The following LAMA2 variants were observed in gnomAD, a reference collection of about 807,000 sequenced individuals.
The protein encoded by LAMA2 is laminin subunit alpha 2.
Under a neutral mutation model 364.8 loss-of-function variants are expected in LAMA2, and 269 were observed. That is an observed-to-expected ratio of 0.74 (90% CI 0.67 to 0.82). The LOEUF (loss-of-function observed/expected upper bound fraction) is 0.82, where lower values mean the gene tolerates loss of function less well. Among genes scored for constraint, LAMA2 ranks in the 40% least tolerant of loss-of-function variants. LAMA2 has a pLI of 0.00. For missense variants in LAMA2, 3,807 were observed against 3,873.2 expected, an observed-to-expected ratio of 0.98 and a Z score of 0.45; for synonymous variants, 1,379 against 1,370.6, an observed-to-expected ratio of 1.01 and a Z score of -0.14.
Position 129,049,752 on chromosome 6 carries a change from A to T in LAMA2, c.113-166A>T, listed in dbSNP as rs183864704. Among the ~76,000 whole-genome samples, 910 of 152,346 alleles carry T rather than the reference A, an allele frequency of 6.0e-3. 4 individuals carry two copies. The highest frequency in any genetic ancestry group is 8.0e-3 in the Non-Finnish European group (542 of 68,034). On this transcript the variant is annotated intron_variant, in intron 1 of 64. Transcript: ENST00000421865. ...AAAAATAGTATTCTTTTGATAACACATAGTATTTATGTAGTATACTGAATT... is the reference window on the plus strand; with the variant it reads ...AAAAATAGTATTCTTTTGATAACACTTAGTATTTATGTAGTATACTGAATT...
intron 20 of LAMA2, chr6:129,293,039 T>G: frequency 1.0e-6 from 1 of 985,900 alleles, no homozygotes; most frequent in Non-Finnish European, 1.2e-6. Flanking sequence ...GCGGGTGCCC[T>G]CGGGGAGCCT....
intron 1 of LAMA2, among the ~76,000 whole-genome samples, chr6:128,986,144 T>A (rs1045899529): frequency 2.0e-5 from 3 of 152,208 alleles, no homozygotes; most frequent in Non-Finnish European, 4.4e-5. Context: ...GCAGTTATGA[T>A]TCTTTTCAAT....
Position 128,904,485 on chromosome 6 carries a change from C to T in LAMA2, c.112+21128C>T, listed in dbSNP as rs1169510398. ...TTTTTTTTTTTTTAAGATGGAGTCT[C>T]ACCCTGTTGCCCAGGCTGGAGTGCA... On this transcript the variant is annotated intron_variant, in intron 1 of 64. Transcript: ENST00000421865. Among the ~76,000 whole-genome samples, 3 of 138,232 alleles carry T rather than the reference C, an allele frequency of 2.2e-5. No individual in the cohort carries two copies. In the Admixed American group the frequency reaches 2.3e-4, roughly 11 times the overall value. The allele number at this position is 138,232 out of a possible 152,430, so 90.7% of individuals were successfully genotyped here.
At chr6:128,946,735 C>A (rs984893765) in intron 1 of LAMA2, among the ~76,000 whole-genome samples, 3 of 152,096 alleles carry the variant, frequency 2.0e-5, no homozygotes, top group African/African-American at 7.2e-5. Context: ...AATGATTATA[C>A]TCATTTTTCT....
intron 45 of LAMA2, among the ~76,000 whole-genome samples, chr6:129,450,937 T>A (rs890833068): frequency 1.3e-5 from 2 of 152,230 alleles, no homozygotes; most frequent in South Asian, 2.1e-4. Context: ...TCTCTGATAA[T>A]GATTTTGGTT....
chr6:129,371,304 G>A (rs1488188232), intron 34 of LAMA2, among the ~76,000 whole-genome samples: 2 of 151,560 alleles, frequency 1.3e-5, no homozygotes. Context: ...AGTGTATGGA[G>A]GACCATATTA....
intron 12 of LAMA2, among the ~76,000 whole-genome samples, chr6:129,232,145 A>G (rs1231085553): frequency 6.6e-6 from 1 of 152,118 alleles, no homozygotes. Flanking sequence ...TTATCATCAT[A>G]CAGCATATGT....
At chr6:129,278,558 G>A (rs765229255) in intron 17 of LAMA2, among the ~76,000 whole-genome samples, 5 of 152,072 alleles carry the variant, frequency 3.3e-5, no homozygotes, top group East Asian at 1.9e-4. Flanking sequence ...TCACAATCCC[G>A]TCAAGAAAAT....
At chr6:129,337,216 A>G (rs1055411342) in intron 29 of LAMA2, among the ~76,000 whole-genome samples, 2 of 152,240 alleles carry the variant, frequency 1.3e-5, no homozygotes, top group African/African-American at 4.8e-5. Context: ...ACTTGATTGC[A>G]GATTCACTAG....
At chr6:129,277,319 A>G (rs1359662751) in intron 17 of LAMA2, among the ~76,000 whole-genome samples, 1 of 152,188 alleles carries the variant, frequency 6.6e-6, no homozygotes, top group African/African-American at 2.4e-5. Context: ...TGCATTTGCC[A>G]AGGCAAATTC....
chr6:128,961,205 G>A (rs927333472), intron 1 of LAMA2, among the ~76,000 whole-genome samples: 2 of 149,494 alleles, frequency 1.3e-5, no homozygotes, highest in African/African-American at 4.9e-5. Context: ...TTCATTTTTA[G>A]TATGAATTCT....
intron 7 of LAMA2, among the ~76,000 whole-genome samples, chr6:129,151,283 A>C (rs563388783): frequency 1.3e-5 from 2 of 152,354 alleles, no homozygotes; most frequent in African/African-American, 2.4e-5. Context: ...TGACAACACG[A>C]ATTCTAAATA....
intron 1 of LAMA2, among the ~76,000 whole-genome samples, chr6:128,933,258 G>GTGTGTGTGTGTGTC (rs1554328793): frequency 2.9e-4 from 43 of 148,914 alleles, no homozygotes; most frequent in African/African-American, 1.1e-3. Flanking sequence ...GTGTGTGTGT[G>GTGTGTGTGTGTGTC]TGTGTGTCTG....
intron 28 of LAMA2, among the ~76,000 whole-genome samples, chr6:129,324,859 G>A (rs12200538): frequency 0.16 from 24,546 of 152,164 alleles, 2,603 homozygotes; most frequent in Non-Finnish European, 0.24. Flanking sequence ...TTATGCAGCA[G>A]CACATGACTG....
At chr6:129,500,545 T>C (rs1489669010) in intron 58 of LAMA2, among the ~76,000 whole-genome samples, 1 of 152,228 alleles carries the variant, frequency 6.6e-6, no homozygotes, top group Non-Finnish European at 1.5e-5. Flanking sequence ...GGTGTTCTTC[T>C]TCCTAAATTT....
intron 22 of LAMA2, among the ~76,000 whole-genome samples, chr6:129,303,225 C>G (rs1773658565): frequency 6.6e-6 from 1 of 152,014 alleles, no homozygotes; most frequent in Admixed American, 6.6e-5. Flanking sequence ...ATGCTGTGTT[C>G]CATTTCAGTT....
At chr6:128,952,960 G>T (rs1266257535) in intron 1 of LAMA2, among the ~76,000 whole-genome samples, 1 of 152,024 alleles carries the variant, frequency 6.6e-6, no homozygotes, top group Non-Finnish European at 1.5e-5. Context: ...TCTCTGTAAG[G>T]TGCCTAAAAT....
rs768302640 is a variant in LAMA2 at position 129,147,040 on chromosome 6, G to A, written c.901G>A (p.Ala301Thr). 9 of 1,599,374 alleles carry A rather than the reference G, an allele frequency of 5.6e-6. No homozygotes were observed. ...GHARACPLDP[A>T]TNKSRCECEH... ...TGCCAGGGCTTGTCCACTTGATCCA[G>A]CGACAAATGTATGTATATTTATAGG... The change falls in exon 6 of 65, where the codon GCG (alanine) becomes ACG (threonine). Residue 301 changes from alanine (A) to threonine (T), a missense_variant. Ala to Thr is a moderately conservative substitution (Grantham distance 58). Coordinates refer to ENST00000421865, the MANE Select transcript of LAMA2 (RefSeq NM_000426.4).
intron 12 of LAMA2, among the ~76,000 whole-genome samples, chr6:129,245,440 A>G (rs1285002208): frequency 3.9e-5 from 6 of 152,148 alleles, no homozygotes; most frequent in Non-Finnish European, 7.4e-5. Context: ...AGTGCTCTGT[A>G]AAATCAGAGA....
Sources: gnomAD v4.1 joint callset for allele counts (sites outside exome capture counted in the v4.1 genomes callset) on GRCh38, gnomAD v4.1.1 for gene constraint, MANE v1.5 for transcripts, NCBI Gene and HGNC (gene_info 2026-07-23, HGNC 2026-07-21) for gene names.